ZRANB3: variants seen among roughly 807,000 people sequenced by gnomAD.
ZRANB3 encodes the protein zinc finger RANBP2-type containing 3, also known as DNA annealing helicase and endonuclease ZRANB3.
In ZRANB3, 125 loss-of-function variants were observed where a neutral mutation model predicts 133.8. The ratio of observed to expected loss-of-function variants is 0.93; its 90% CI spans 0.81 to 1.08. The LOEUF (loss-of-function observed/expected upper bound fraction) is 1.08. Among genes scored for constraint, ZRANB3 ranks in the 50% least tolerant of loss-of-function variants. The pLI is 0.00. For synonymous variants in ZRANB3, 387 were observed against 432.7 expected (o/e 0.89, Z 1.31); for missense variants, 1,229 against 1,275.5 (o/e 0.96, Z 0.56).
At chr2:135,214,595 A>G (rs978691753) in intron 17 of ZRANB3, among the ~76,000 whole-genome samples, 23 of 152,198 alleles carry the variant, frequency 1.5e-4, no homozygotes, top group African/African-American at 4.3e-4. Flanking sequence ...AGAGAAGGTC[A>G]ACAAAGACTG....
At chr2:135,227,159 G>A (rs1423327348) in intron 14 of ZRANB3, among the ~76,000 whole-genome samples, 2 of 152,138 alleles carry the variant, frequency 1.3e-5, no homozygotes, top group South Asian at 2.1e-4. Flanking sequence ...GAGTAACAAG[G>A]AAAATAACCC....
chr2:135,412,910 T>C (rs925043271), intron 2 of ZRANB3, among the ~76,000 whole-genome samples: 1 of 152,156 alleles, frequency 6.6e-6, no homozygotes, highest in African/African-American at 2.4e-5. Flanking sequence ...AAAAATTCAT[T>C]AGGTTTTTGG....
At chr2:135,478,926 CAT>C (rs1292937316) in intron 2 of ZRANB3, among the ~76,000 whole-genome samples, 6 of 151,744 alleles carry the variant, frequency 4.0e-5, no homozygotes, top group African/African-American at 9.7e-5. Flanking sequence ...TATATGTAAA[CAT>C]ATGTGTATAC....
intron 6 of ZRANB3, among the ~76,000 whole-genome samples, chr2:135,323,912 C>A (rs1343016990): frequency 6.6e-6 from 1 of 151,876 alleles, no homozygotes; most frequent in Non-Finnish European, 1.5e-5. Flanking sequence ...AGATTACAGG[C>A]ATGCAACAGC....
intron 2 of ZRANB3, among the ~76,000 whole-genome samples, chr2:135,409,823 C>T (rs1286633696): frequency 6.6e-6 from 1 of 152,098 alleles, no homozygotes; most frequent in East Asian, 1.9e-4. Context: ...CATTTCTATA[C>T]ACCAATAATG....
intron 13 of ZRANB3, among the ~76,000 whole-genome samples, chr2:135,229,874 A>G (rs1184880815): frequency 6.6e-6 from 1 of 152,176 alleles, no homozygotes; most frequent in African/African-American, 2.4e-5. Context: ...TTCAGAAACT[A>G]AACATCAGAA....
At chr2:135,352,204 T>C (rs374422141) in intron 4 of ZRANB3, among the ~76,000 whole-genome samples, 2 of 151,654 alleles carry the variant, frequency 1.3e-5, no homozygotes, top group African/African-American at 4.8e-5. Flanking sequence ...GTGGTGGTGG[T>C]GCCTGTAATC....
chr2:135,279,977 C>T (rs1385801845), intron 8 of ZRANB3, among the ~76,000 whole-genome samples: 1 of 152,170 alleles, frequency 6.6e-6, no homozygotes, highest in African/African-American at 2.4e-5. Flanking sequence ...ATGTACTATG[C>T]ATGCATTTTA....
At chr2:135,414,954 A>C (rs1297508508) in intron 2 of ZRANB3, among the ~76,000 whole-genome samples, 1 of 152,086 alleles carries the variant, frequency 6.6e-6, no homozygotes, top group Non-Finnish European at 1.5e-5. Context: ...CATTCAAAGC[A>C]GTGTGTAGAG....
chr2:135,497,507 C>T (rs1046913001), intron 2 of ZRANB3, among the ~76,000 whole-genome samples: 2 of 152,156 alleles, frequency 1.3e-5, no homozygotes, highest in South Asian at 2.1e-4. Flanking sequence ...AAAATTCAAT[C>T]ATTAGTTGCA....
At chr2:135,491,752 T>G (rs1692388088) in intron 2 of ZRANB3, among the ~76,000 whole-genome samples, 1 of 151,976 alleles carries the variant, frequency 6.6e-6, no homozygotes, top group African/African-American at 2.4e-5. Context: ...CCTGACCTTG[T>G]GATCTGCCCG....
intron 6 of ZRANB3, among the ~76,000 whole-genome samples, chr2:135,323,406 T>C (rs1207767359): frequency 6.6e-6 from 1 of 152,034 alleles, no homozygotes; most frequent in Non-Finnish European, 1.5e-5. Context: ...TAATGGAGTG[T>C]GGAAGTTAGA....
chr2:135,445,827 G>C (rs1170914056), intron 2 of ZRANB3, among the ~76,000 whole-genome samples: 5 of 146,262 alleles, frequency 3.4e-5, no homozygotes, highest in African/African-American at 1.3e-4. Flanking sequence ...AGTAAGTCGA[G>C]ATTGTGCCAC....
At chr2:135,269,447 T>C (rs940392465) in intron 10 of ZRANB3, among the ~76,000 whole-genome samples, 3 of 152,100 alleles carry the variant, frequency 2.0e-5, no homozygotes, top group African/African-American at 7.2e-5. Context: ...CACTGGAAAA[T>C]CTAATAAAAT....
At chr2:135,506,683 AT>A (rs1274791241) in intron 1 of ZRANB3, among the ~76,000 whole-genome samples, 9 of 152,230 alleles carry the variant, frequency 5.9e-5, no homozygotes, top group African/African-American at 2.2e-4. Flanking sequence ...GATACAGAAC[AT>A]TTCTCTCTTC....
At position 135,511,804 on chromosome 2, in the gene ZRANB3, G is replaced by T. The variant is rs190455810; in HGVS notation, c.-7-7308C>A. ...AACTGCATCTGCTAGCTTTCTATTT[G>T]AATCCAATCCCCCATGGACATAAGA... On this transcript the variant is annotated intron_variant, in intron 1 of 20. Transcript: ENST00000264159. The T allele has an allele frequency of 2.2e-5, 17 of 760,988 alleles. No individual in the cohort carries two copies. The East Asian group carries it at 3.9e-4, about 18-fold the overall frequency. 47.1% of individuals were successfully genotyped at this position (760,988 alleles called of 1,614,324 possible). A position where few individuals can be genotyped will look rare whatever the true frequency, so the allele number is the denominator to read the frequency against.
At chr2:135,413,197 C>T (rs181814714) in intron 2 of ZRANB3, among the ~76,000 whole-genome samples, 1 of 152,206 alleles carries the variant, frequency 6.6e-6, no homozygotes, top group Admixed American at 6.5e-5. Context: ...CTGAACATTG[C>T]TGAGTAAGGA....
chr2:135,350,508 A>C (rs769162713), intron 4 of ZRANB3, among the ~76,000 whole-genome samples: 4 of 152,212 alleles, frequency 2.6e-5, no homozygotes, highest in African/African-American at 4.8e-5. Context: ...GCTTCTATGC[A>C]CCTAGGATCA....
chr2:135,318,727 T>C (rs1177525577), intron 6 of ZRANB3, among the ~76,000 whole-genome samples: 3 of 152,188 alleles, frequency 2.0e-5, no homozygotes, highest in Admixed American at 1.3e-4. Context: ...ACTTTGTCTA[T>C]CTGAAAGTTT....
Sources: allele counts gnomAD v4.1 joint callset (sites outside exome capture counted in the v4.1 genomes callset), GRCh38; gene constraint gnomAD v4.1.1; transcripts MANE v1.5; gene names NCBI Gene and HGNC (gene_info 2026-07-23, HGNC 2026-07-21).